ERC1: variants seen among roughly 807,000 people sequenced by gnomAD.
ERC1 encodes the protein ELKS/RAB6-interacting/CAST family member 1.
In ERC1, 56 loss-of-function variants were observed where a neutral mutation model predicts 132.0. That is an observed-to-expected ratio of 0.42 (90% confidence interval 0.34 to 0.53). The LOEUF is 0.53. Ranked by LOEUF, ERC1 falls within the 20% of genes least tolerant of loss-of-function variation. The pLI, the probability that ERC1 is intolerant of heterozygous loss-of-function variation, is 0.03. For missense variants in ERC1, 1,202 were observed against 1,349.9 expected, an observed-to-expected ratio of 0.89 and a Z score of 1.72; for synonymous variants, 478 against 476.1, an observed-to-expected ratio of 1.00 and a Z score of -0.05.
In ERC1 at chr12:1,492,596, C is replaced by G. The variant is rs1036648785; in HGVS notation, c.*2366C>G. On this transcript the variant is annotated 3_prime_UTR_variant, in exon 19 of 19. Coordinates refer to ENST00000360905, the MANE Select transcript of ERC1 (RefSeq NM_178040.4). ...CTCAGCATTCTCCATCACTTCCCCT[C>G]CAGAAAAACGGATGGAAGGAAGCCC... 8.6e-6 allele frequency: 2 copies of G among 233,058 alleles called. No homozygotes were observed. The highest frequency in any genetic ancestry group is 5.6e-5 in the Admixed American group (1 of 17,770). 14.4% of individuals were successfully genotyped at this position (233,058 alleles called of 1,614,324 possible). A position where few individuals can be genotyped will look rare whatever the true frequency, so the allele number is the denominator to read the frequency against.
chr12:1,452,821 T>C (rs2093453581), intron 18 of ERC1, among the ~76,000 whole-genome samples: 1 of 152,250 alleles, frequency 6.6e-6, no homozygotes, highest in Non-Finnish European at 1.5e-5. Flanking sequence ...CCTCTTCTTC[T>C]GTCAGGCCAT....
chr12:1,474,068 T>A (rs1319959578), intron 18 of ERC1, among the ~76,000 whole-genome samples: 1 of 152,194 alleles, frequency 6.6e-6, no homozygotes, highest in African/African-American at 2.4e-5. Context: ...TGTCTTCGTA[T>A]CTCCTAAGAA....
chr12:1,101,984 GA>G (rs929898185), intron 3 of ERC1, among the ~76,000 whole-genome samples: 52 of 152,178 alleles, frequency 3.4e-4, no homozygotes, highest in Non-Finnish European at 1.3e-4. Context: ...GAAGGCTTTG[GA>G]TTCAGGCTAT....
chr12:1,490,387 C>A lies in ERC1; in HGVS notation c.*157C>A. On this transcript the variant is annotated 3_prime_UTR_variant, in exon 19 of 19. Coordinates refer to ENST00000360905, the MANE Select transcript of ERC1 (RefSeq NM_178040.4). ...TGTGATTCCAGCACCGTTTCTACATCTGCCATCTTACTCTGCCTTTCTGCT... is the reference window on the plus strand; with the variant it reads ...TGTGATTCCAGCACCGTTTCTACATATGCCATCTTACTCTGCCTTTCTGCT... 1 of 687,588 alleles carries A rather than the reference C, an allele frequency of 1.5e-6. No homozygotes were observed. The highest frequency in any genetic ancestry group is 2.4e-6 in the Non-Finnish European group (1 of 414,582). The allele number at this position is 687,588 out of a possible 1,614,324, so 42.6% of individuals were successfully genotyped here.
At chr12:1,267,089 A>G (rs1002870000) in intron 14 of ERC1, among the ~76,000 whole-genome samples, 1 of 152,194 alleles carries the variant, frequency 6.6e-6, no homozygotes, top group Non-Finnish European at 1.5e-5. Context: ...ATTTATTCCT[A>G]ATACATGCTG....
chr12:1,355,651 G>GC (rs2085452485), intron 15 of ERC1, among the ~76,000 whole-genome samples: 1 of 152,230 alleles, frequency 6.6e-6, no homozygotes, highest in African/African-American at 2.4e-5. Context: ...GGCCTGTGGA[G>GC]CAGACTGTAA....
chr12:1,056,898 C>T (rs928830533), intron 2 of ERC1, among the ~76,000 whole-genome samples: 7 of 152,052 alleles, frequency 4.6e-5, no homozygotes, highest in Non-Finnish European at 8.8e-5. Context: ...GAAATTACGC[C>T]GAGGACTCTA....
At chr12:1,379,852 T>C (rs2088424058) in intron 16 of ERC1, among the ~76,000 whole-genome samples, 1 of 152,040 alleles carries the variant, frequency 6.6e-6, no homozygotes, top group Admixed American at 6.5e-5. Flanking sequence ...CCAACCCTTA[T>C]ATAGTATAGG....
chr12:1,204,225 T>C (rs113080558), intron 12 of ERC1: 53 of 343,172 alleles, frequency 1.5e-4, no homozygotes, highest in African/African-American at 1.0e-3. Flanking sequence ...GTTTTTTTTT[T>C]CCTGCCCCAG....
intron 15 of ERC1, among the ~76,000 whole-genome samples, chr12:1,319,889 A>G (rs1383103980): frequency 6.6e-6 from 1 of 152,174 alleles, no homozygotes. Context: ...AGCATATAGA[A>G]TACTTGTGTG....
intron 3 of ERC1, among the ~76,000 whole-genome samples, chr12:1,097,034 T>C (rs942558717): frequency 2.6e-5 from 4 of 152,248 alleles, no homozygotes; most frequent in Admixed American, 1.3e-4. Context: ...GTCTTTGTTT[T>C]GTCTGTTTTT....
chr12:1,341,431 G>A (rs868542041), intron 15 of ERC1, among the ~76,000 whole-genome samples: 1 of 152,116 alleles, frequency 6.6e-6, no homozygotes, highest in South Asian at 2.1e-4. Flanking sequence ...ATCAACGATA[G>A]ACTGGATTAA....
intron 2 of ERC1, among the ~76,000 whole-genome samples, chr12:1,061,253 C>T (rs1008886082): frequency 5.3e-5 from 8 of 151,966 alleles, no homozygotes; most frequent in African/African-American, 1.9e-4. Flanking sequence ...TGAGTCTTCT[C>T]TCTTCTTAGT....
At chr12:1,411,452 A>G (rs538237995) in intron 17 of ERC1, among the ~76,000 whole-genome samples, 3 of 151,128 alleles carry the variant, frequency 2.0e-5, no homozygotes, top group African/African-American at 7.3e-5. Context: ...ACCAAGAAGG[A>G]TGGAGAGGTA....
chr12:1,018,341 A>C (rs535646348), intron 1 of ERC1, among the ~76,000 whole-genome samples: 1 of 152,176 alleles, frequency 6.6e-6, no homozygotes, highest in Admixed American at 6.5e-5. Flanking sequence ...CAGCCTGTGG[A>C]GCTGCTGGGA....
chr12:1,084,280 T>C (rs1942652934), intron 3 of ERC1, among the ~76,000 whole-genome samples: 1 of 152,222 alleles, frequency 6.6e-6, no homozygotes, highest in Non-Finnish European at 1.5e-5. Flanking sequence ...CTATATATAG[T>C]TGGACTTCAG....
At chr12:1,240,742 A>G (rs1430452670) in intron 13 of ERC1, among the ~76,000 whole-genome samples, 1 of 152,132 alleles carries the variant, frequency 6.6e-6, no homozygotes, top group East Asian at 1.9e-4. Context: ...ATTTTAATTA[A>G]CATACTAGAA....
intron 2 of ERC1, among the ~76,000 whole-genome samples, chr12:1,063,430 T>G (rs1267416387): frequency 6.6e-6 from 1 of 152,144 alleles, no homozygotes; most frequent in Non-Finnish European, 1.5e-5. Context: ...CTGGCTAATT[T>G]TTGTATTTTT....
chr12:1,091,169 G>A (rs35519658), intron 3 of ERC1, among the ~76,000 whole-genome samples: 28,814 of 152,120 alleles, frequency 0.19, 3,470 homozygotes, highest in Non-Finnish European at 0.25. Context: ...GATTACAGGC[G>A]TAAGCTACTG....
Sources: gnomAD v4.1 joint callset for allele counts (sites outside exome capture counted in the v4.1 genomes callset) on GRCh38, gnomAD v4.1.1 for gene constraint, MANE v1.5 for transcripts, NCBI Gene and HGNC (gene_info 2026-07-23, HGNC 2026-07-21) for gene names.